SERINC5: variants seen among roughly 807,000 people sequenced by gnomAD.
SERINC5 encodes the protein chromosome 5 open reading frame 12.
Under a neutral mutation model 63.1 loss-of-function variants are expected in SERINC5, and 41 were observed. The observed-to-expected ratio is 0.65, with a 90% CI of 0.51 to 0.84. SERINC5 has a LOEUF of 0.84. Ranked by LOEUF, SERINC5 falls within the 40% of genes least tolerant of loss-of-function variation. The pLI is 0.00. For missense variants in SERINC5, 523 were observed against 573.0 expected (o/e 0.91, Z 0.89); for synonymous variants, 222 against 215.2 (o/e 1.03, Z -0.28).
intron 1 of SERINC5, among the ~76,000 whole-genome samples, chr5:80,224,648 C>T (rs571753154): frequency 2.6e-5 from 4 of 152,052 alleles, no homozygotes; most frequent in South Asian, 2.1e-4. Context: ...TTTTTAAAGA[C>T]GGAATTTCCC....
In SERINC5 at chr5:80,250,622, G is replaced by A. The variant is rs138179328; in HGVS notation, c.27+5274C>T. On this transcript the variant is annotated intron_variant, in intron 1 of 11. Transcript: ENST00000507668. ...ATTATAGGCGTGAGCCACCATGCCC[G>A]GCCTGGAATCATCATTATTGTATGT... is the stretch of plus-strand genomic sequence containing the variant. 2.4e-4 allele frequency among the ~76,000 whole-genome samples: 37 copies of A among 152,304 alleles called. 1 individual carries two copies. In the East Asian group the frequency reaches 6.4e-3, roughly 26 times the overall value.
At chr5:80,255,641 G>A (rs1044589310) in intron 1 of SERINC5, among the ~76,000 whole-genome samples, 2 of 152,176 alleles carry the variant, frequency 1.3e-5, no homozygotes, top group Non-Finnish European at 2.9e-5. Context: ...GGCACGCCCC[G>A]CTCCACGCGG....
At chr5:80,120,133 C>T (rs1016733551) in intron 11 of SERINC5, among the ~76,000 whole-genome samples, 2 of 152,176 alleles carry the variant, frequency 1.3e-5, no homozygotes, top group Non-Finnish European at 2.9e-5. Context: ...AGTGCCTGCT[C>T]ATAGTAGATT....
At chr5:80,185,151 A>G (rs890514798) in intron 2 of SERINC5, among the ~76,000 whole-genome samples, 5 of 152,172 alleles carry the variant, frequency 3.3e-5, no homozygotes, top group African/African-American at 1.2e-4. Flanking sequence ...CAGGGATTAC[A>G]TGCGTGAGCC....
At chr5:80,229,030 T>TGGGGGGGGGGGGGGGG (rs1300617664) in intron 1 of SERINC5, among the ~76,000 whole-genome samples, 1 of 41,782 alleles carries the variant, frequency 2.4e-5, no homozygotes, top group Non-Finnish European at 4.1e-5. Flanking sequence ...CCTTTTTTTT[T>TGGGGGGGGGGGGGGGG]TTTTTTTTTT....
At chr5:80,237,609 A>G (rs1428210901) in intron 1 of SERINC5, among the ~76,000 whole-genome samples, 1 of 152,002 alleles carries the variant, frequency 6.6e-6, no homozygotes, top group Admixed American at 6.6e-5. Flanking sequence ...TACTGGGATT[A>G]CAAGCAAGAG....
At chr5:80,172,711 A>G (rs144661195) in intron 5 of SERINC5, among the ~76,000 whole-genome samples, 1 of 152,234 alleles carries the variant, frequency 6.6e-6, no homozygotes, top group Non-Finnish European at 1.5e-5. Context: ...AAGAAGGAAA[A>G]AAATATCTAA....
intron 2 of SERINC5, among the ~76,000 whole-genome samples, chr5:80,191,835 G>A (rs1020522362): frequency 2.6e-5 from 4 of 151,970 alleles, no homozygotes; most frequent in African/African-American, 9.7e-5. Context: ...ATACAGCCTA[G>A]TCAGTTACCT....
chr5:80,243,214 A>T (rs1752024721), intron 1 of SERINC5, among the ~76,000 whole-genome samples: 1 of 152,114 alleles, frequency 6.6e-6, no homozygotes, highest in South Asian at 2.1e-4. Context: ...AACATACCTA[A>T]TTCCCTATAG....
In SERINC5 at chr5:80,175,015, G is replaced by T. The variant is rs1304759567; in HGVS notation, c.490C>A (p.Leu164Ile). 6.2e-7 allele frequency: 1 copy of T among 1,601,434 alleles called. No individual in the cohort carries two copies. The highest frequency in any genetic ancestry group is 1.7e-5 in the Admixed American group (1 of 58,322). The change falls in exon 5 of 12, where the codon CTC (leucine) becomes ATC (isoleucine). Residue 164 changes from leucine to isoleucine, a missense_variant. Transcript: ENST00000507668. ...AGGAGGAGCTGGATGCCAATGAAGA[G>T]GAAGCCTCCGACGGCTCCCACATAG... ...WRYVGAVGGF[L>I]FIGIQLLLLV...
At chr5:80,158,785 C>T in intron 8 of SERINC5, 51 bp downstream of exon 8, 1 of 1,562,964 alleles carries the variant, frequency 6.4e-7, no homozygotes, top group Non-Finnish European at 8.7e-7. Context: ...AATTCTTTTC[C>T]TGTAATTTTA....
chr5:80,163,643 T>C (rs565880344), intron 7 of SERINC5, among the ~76,000 whole-genome samples: 3 of 152,182 alleles, frequency 2.0e-5, no homozygotes, highest in East Asian at 1.9e-4. Flanking sequence ...ATTCTGTTTA[T>C]GTAATATGTA....
intron 1 of SERINC5, among the ~76,000 whole-genome samples, chr5:80,232,277 C>G (rs1168599624): frequency 6.6e-5 from 10 of 150,500 alleles, no homozygotes; most frequent in East Asian, 5.9e-4. Context: ...GGTGGCAGGC[C>G]CCTGTAGTCC....
Position 80,139,669 on chromosome 5 carries a change from T to C in SERINC5, c.*3994A>G. On this transcript the variant is annotated 3_prime_UTR_variant, in exon 12 of 12. Coordinates refer to ENST00000507668, the MANE Select transcript of SERINC5 (RefSeq NM_001174072.3). ...GTACTGTGAAGTCAAAGGCCCAACA[T>C]TACAGAGCGCACCTCTGCCTGAAAT... 1 of 985,136 alleles carries C rather than the reference T, an allele frequency of 1.0e-6. No homozygotes were observed. Among genetic ancestry groups the C allele is most frequent in the Non-Finnish European group, 1.2e-6 (1 of 829,924 alleles). 61.0% of individuals were successfully genotyped at this position (985,136 alleles called of 1,614,324 possible).
intron 1 of SERINC5, among the ~76,000 whole-genome samples, chr5:80,233,106 T>C (rs1222906364): frequency 9.9e-5 from 15 of 152,208 alleles, no homozygotes; most frequent in Admixed American, 7.9e-4. Flanking sequence ...GTATATGCTA[T>C]GTGAAACTAC....
chr5:80,192,653 A>C lies in SERINC5; in HGVS notation c.195+10233T>G, dbSNP rs80338260. 3.1e-3 allele frequency among the ~76,000 whole-genome samples: 465 copies of C among 152,322 alleles called. 5 individuals are homozygous for C. The highest frequency in any genetic ancestry group is 0.011 in the African/African-American group (447 of 41,570). ...CAAAAATAAACCCCACACTGATGAA[A>C]GCCAGCATGTCGAAAGATAATTTTA... On this transcript the variant is annotated intron_variant, in intron 2 of 11. Coordinates refer to ENST00000507668, the MANE Select transcript of SERINC5 (RefSeq NM_001174072.3).
intron 1 of SERINC5, among the ~76,000 whole-genome samples, chr5:80,252,087 G>C (rs1752455059): frequency 7.9e-6 from 1 of 127,018 alleles, no homozygotes; most frequent in East Asian, 2.4e-4. Flanking sequence ...TTTTGAGACA[G>C]CGTCTCACTC....
chr5:80,121,904 A>G (rs1744559192), intron 11 of SERINC5, among the ~76,000 whole-genome samples: 1 of 151,986 alleles, frequency 6.6e-6, no homozygotes, highest in African/African-American at 2.4e-5. Flanking sequence ...ACCATTCATG[A>G]GGGATCTGCC....
downstream of SERINC5, among the ~76,000 whole-genome samples, chr5:80,137,139 C>CAAAAAAAAA (rs869035894): frequency 3.5e-3 from 238 of 67,242 alleles, no homozygotes; most frequent in East Asian, 0.012. Flanking sequence ...GACCCTGTCT[C>CAAAAAAAAA]AAAAAAAAAA....
Sources: allele counts gnomAD v4.1 joint callset (sites outside exome capture counted in the v4.1 genomes callset), GRCh38; gene constraint gnomAD v4.1.1; transcripts MANE v1.5; gene names NCBI Gene and HGNC (gene_info 2026-07-23, HGNC 2026-07-21).